The following LEF1 variants were observed in gnomAD, a reference collection of about 807,000 sequenced individuals.
The protein encoded by LEF1 is lymphoid enhancer-binding factor 1.
Under a neutral mutation model 51.2 loss-of-function variants are expected in LEF1, and 14 were observed. The observed-to-expected ratio is 0.27, with a 90% CI of 0.18 to 0.43. The LOEUF (loss-of-function observed/expected upper bound fraction) is 0.43. Among genes scored for constraint, LEF1 ranks in the 20% least tolerant of loss-of-function variants. The probability of loss-of-function intolerance (pLI) is 1.00; values close to 1 mark genes in which losing one functional copy is unlikely to be tolerated. For missense variants in LEF1, 386 were observed against 512.0 expected (o/e 0.75, Z 2.37); for synonymous variants, 185 against 183.2 (o/e 1.01, Z -0.08).
chr4:108,159,975 G>A (rs1302461529), intron 3 of LEF1, among the ~76,000 whole-genome samples: 4 of 152,208 alleles, frequency 2.6e-5, no homozygotes, highest in Admixed American at 2.6e-4. Flanking sequence ...ACACTGACCA[G>A]GTGTTATTGT....
intron 3 of LEF1, among the ~76,000 whole-genome samples, chr4:108,102,470 C>T (rs1740893825): frequency 6.6e-6 from 1 of 152,108 alleles, no homozygotes; most frequent in South Asian, 2.1e-4. Context: ...CGAATCTCTA[C>T]CACTAAATTA....
intron 11 of LEF1, among the ~76,000 whole-genome samples, chr4:108,060,053 CT>C (rs1434510268): frequency 6.6e-6 from 1 of 152,162 alleles, no homozygotes; most frequent in African/African-American, 2.4e-5. Flanking sequence ...TGACTGTAGT[CT>C]GGCAAACAAG....
At chr4:108,132,470 G>GTA (rs1306473214) in intron 3 of LEF1, among the ~76,000 whole-genome samples, 1 of 151,960 alleles carries the variant, frequency 6.6e-6, no homozygotes, top group African/African-American at 2.4e-5. Context: ...AGATCTCAAA[G>GTA]TATACTTTGA....
chr4:108,153,662 G>T (rs1271119671), intron 3 of LEF1, among the ~76,000 whole-genome samples: 1 of 152,116 alleles, frequency 6.6e-6, no homozygotes, highest in Non-Finnish European at 1.5e-5. Context: ...TGCAATTCTG[G>T]CAATTTGTTC....
chr4:108,106,836 A>G (rs1338736458), intron 3 of LEF1, among the ~76,000 whole-genome samples: 1 of 152,204 alleles, frequency 6.6e-6, no homozygotes, highest in Non-Finnish European at 1.5e-5. Flanking sequence ...ACACTCACCA[A>G]TGAAGGGGAG....
intron 3 of LEF1, among the ~76,000 whole-genome samples, chr4:108,132,640 G>T (rs1578380760): frequency 7.1e-6 from 1 of 140,004 alleles, no homozygotes; most frequent in African/African-American, 2.6e-5. Context: ...ATAGATATGG[G>T]ATGAGAGCGA....
chr4:108,083,309 G>T, intron 5 of LEF1, 47 bp downstream of exon 5: 2 of 1,228,762 alleles, frequency 1.6e-6, no homozygotes, highest in South Asian at 1.2e-5. Flanking sequence ...GAAAGTGGAG[G>T]AACATGTGTT....
At chr4:108,094,643 T>C (rs1018270078) in intron 3 of LEF1, among the ~76,000 whole-genome samples, 2 of 152,220 alleles carry the variant, frequency 1.3e-5, no homozygotes, top group Non-Finnish European at 2.9e-5. Flanking sequence ...GTCCTCATTT[T>C]CCACATCTCC....
At chr4:108,096,026 A>G (rs1560786344) in intron 3 of LEF1, among the ~76,000 whole-genome samples, 1 of 152,198 alleles carries the variant, frequency 6.6e-6, no homozygotes, top group Non-Finnish European at 1.5e-5. Context: ...CATGTTGAAG[A>G]AAATACTTTG....
intron 3 of LEF1, among the ~76,000 whole-genome samples, chr4:108,100,159 A>G (rs1039561815): frequency 1.3e-5 from 2 of 152,206 alleles, no homozygotes; most frequent in Non-Finnish European, 2.9e-5. Context: ...ACCTGAAATG[A>G]GTTGGAATTG....
At chr4:108,058,006 T>C (rs1737418881) in intron 11 of LEF1, among the ~76,000 whole-genome samples, 1 of 152,066 alleles carries the variant, frequency 6.6e-6, no homozygotes, top group Non-Finnish European at 1.5e-5. Context: ...CCTGAGCAGC[T>C]GGGATTACAG....
At chr4:108,059,046 T>C (rs1400113659) in intron 11 of LEF1, among the ~76,000 whole-genome samples, 1 of 152,242 alleles carries the variant, frequency 6.6e-6, no homozygotes, top group Non-Finnish European at 1.5e-5. Flanking sequence ...CCTGGAGGAA[T>C]GGCTTTTAGG....
chr4:108,057,106 T>G (rs2126258634), intron 11 of LEF1, among the ~76,000 whole-genome samples: 1 of 152,036 alleles, frequency 6.6e-6, no homozygotes, highest in Admixed American at 6.6e-5. Flanking sequence ...TTCCCAAGAG[T>G]TCTGAACCCC....
chr4:108,150,084 A>G (rs569588112), intron 3 of LEF1, among the ~76,000 whole-genome samples: 13 of 152,294 alleles, frequency 8.5e-5, no homozygotes, highest in African/African-American at 2.9e-4. Flanking sequence ...GAATGATCAC[A>G]ATTCCAGTTA....
At chr4:108,070,955 C>A in intron 8 of LEF1, 185 bp from the exon 9 acceptor site, 3 of 538,068 alleles carry the variant, frequency 5.6e-6, no homozygotes, top group Non-Finnish European at 9.9e-6. Context: ...CAGTGAAACT[C>A]AAACTTTGGT....
At chr4:108,143,644 C>T (rs1049809089) in intron 3 of LEF1, among the ~76,000 whole-genome samples, 2 of 152,156 alleles carry the variant, frequency 1.3e-5, no homozygotes, top group Non-Finnish European at 2.9e-5. Flanking sequence ...CAATATACGG[C>T]GCCCCCTCAA....
chr4:108,063,528 G>T, intron 11 of LEF1, 95 bp downstream of exon 11: 1 of 933,768 alleles, frequency 1.1e-6, no homozygotes, highest in Admixed American at 2.4e-5. Flanking sequence ...AAGGAGCAAT[G>T]TCGAATGAAC....
rs1489238636 is a variant in LEF1 at position 108,167,073 on chromosome 4, G to GCT, written c.213+480_213+481dup. Among the ~76,000 whole-genome samples, 1 of 152,150 alleles carries GCT rather than the reference G, an allele frequency of 6.6e-6. No individual in the cohort carries two copies. The highest frequency in any genetic ancestry group is 1.5e-5 in the Non-Finnish European group (1 of 68,010). ...CCGCCTCCCCTTCCTCCCGCCTGTG[G>GCT]CTCTGCTCGTCTCCACCTAAGCCTT... On this transcript the variant is annotated intron_variant, in intron 1 of 11. Transcript: ENST00000265165. This position sits in a 1 kb window ranked among gnomAD's most constrained non-coding sequence, Gnocchi z 5.7.
chr4:108,063,753 T>C, intron 10 of LEF1, 90 bp from the exon 11 acceptor site: 1 of 857,826 alleles, frequency 1.2e-6, no homozygotes, highest in South Asian at 1.6e-5. Context: ...TGTGAACTTG[T>C]TTGCTTTACT....
Sources: allele counts gnomAD v4.1 joint callset (sites outside exome capture counted in the v4.1 genomes callset), GRCh38; gene constraint gnomAD v4.1.1; non-coding constraint Gnocchi (gnomAD v3.1); transcripts MANE v1.5; gene names NCBI Gene and HGNC (gene_info 2026-07-23, HGNC 2026-07-21).